COL25A1: variants seen among roughly 807,000 people sequenced by gnomAD.
COL25A1 encodes collagen alpha-1(XXV) chain.
Under a neutral mutation model 128.4 loss-of-function variants are expected in COL25A1, and 103 were observed. That is an observed-to-expected ratio of 0.80 (90% CI 0.68 to 0.94). COL25A1 has a LOEUF of 0.94. Among genes scored for constraint, COL25A1 ranks in the 40% least tolerant of loss-of-function variants. The pLI is 0.00. For missense variants in COL25A1, 745 were observed against 840.0 expected (o/e 0.89, Z 1.40); for synonymous variants, 279 against 277.2 (o/e 1.01, Z -0.06).
At chr4:108,819,920 T>C in intron 35 of COL25A1, 1 of 1,138,062 alleles carries the variant, frequency 8.8e-7, no homozygotes, top group South Asian at 4.4e-5. Flanking sequence ...AGGGTTTAAA[T>C]AAAAGACAAA....
At chr4:108,896,734 C>T in intron 15 of COL25A1, 23 bp from the exon 16 acceptor site, 1 of 1,607,930 alleles carries the variant, frequency 6.2e-7, no homozygotes, top group Non-Finnish European at 8.5e-7. Flanking sequence ...GAAAGTGACA[C>T]ATGTAAAATA....
chr4:109,021,484 T>C (rs1757758671), intron 5 of COL25A1, among the ~76,000 whole-genome samples: 1 of 152,222 alleles, frequency 6.6e-6, no homozygotes, highest in Non-Finnish European at 1.5e-5. Context: ...AGGATGTACG[T>C]CACCTCAGGA....
At chr4:109,164,481 T>C (rs961561658) in intron 3 of COL25A1, among the ~76,000 whole-genome samples, 4 of 152,170 alleles carry the variant, frequency 2.6e-5, no homozygotes, top group African/African-American at 7.2e-5. Flanking sequence ...TGTTGGTTGG[T>C]TGACTGGTTG....
intron 35 of COL25A1, among the ~76,000 whole-genome samples, chr4:108,822,043 A>ATTTTTTTTTTTTTT (rs10567518): frequency 0.032 from 2,864 of 89,220 alleles, 382 homozygotes; most frequent in East Asian, 0.067. Flanking sequence ...CCTAATGGTA[A>ATTTTTTTTTTTTTT]TTTTTTTTTT....
chr4:109,098,445 A>G (rs963389401), intron 3 of COL25A1, among the ~76,000 whole-genome samples: 20 of 152,218 alleles, frequency 1.3e-4, no homozygotes, highest in Admixed American at 1.2e-3. Context: ...ATGTAGATGT[A>G]AGACTTTGGA....
intron 3 of COL25A1, among the ~76,000 whole-genome samples, chr4:109,255,709 T>C (rs1184479772): frequency 1.3e-5 from 2 of 152,192 alleles, no homozygotes; most frequent in Non-Finnish European, 2.9e-5. Flanking sequence ...AAAATGAAAA[T>C]AGCAACAACA....
chr4:108,924,332 T>G (rs1745799736), intron 11 of COL25A1, among the ~76,000 whole-genome samples: 1 of 152,172 alleles, frequency 6.6e-6, no homozygotes, highest in Non-Finnish European at 1.5e-5. Flanking sequence ...GTGAACACAG[T>G]AAGAAATTAT....
intron 3 of COL25A1, among the ~76,000 whole-genome samples, chr4:109,190,086 A>T (rs1775470949): frequency 6.6e-6 from 1 of 152,192 alleles, no homozygotes. Flanking sequence ...GAAAAGTATG[A>T]TATGTCCTCT....
chr4:108,993,595 C>A (rs930516672), intron 6 of COL25A1, among the ~76,000 whole-genome samples: 1 of 152,182 alleles, frequency 6.6e-6, no homozygotes, highest in African/African-American at 2.4e-5. Flanking sequence ...TGCGGTGACT[C>A]ACGCCTGTAA....
At chr4:109,245,049 C>T (rs1780170738) in intron 3 of COL25A1, among the ~76,000 whole-genome samples, 1 of 152,038 alleles carries the variant, frequency 6.6e-6, no homozygotes, top group Non-Finnish European at 1.5e-5. Flanking sequence ...ACAGTTAAGA[C>T]AAAATTTAAG....
At chr4:109,058,462 T>C (rs1013787759) in intron 3 of COL25A1, among the ~76,000 whole-genome samples, 3 of 152,164 alleles carry the variant, frequency 2.0e-5, no homozygotes, top group African/African-American at 7.2e-5. Context: ...TTAAATTAGC[T>C]TTGCAGATTA....
intron 3 of COL25A1, among the ~76,000 whole-genome samples, chr4:109,172,075 A>T (rs1239787233): frequency 1.3e-5 from 2 of 152,144 alleles, no homozygotes; most frequent in African/African-American, 4.8e-5. Flanking sequence ...CACCTGAACC[A>T]TCAGCTCTGG....
At chr4:108,834,549 TAAAA>T (rs79785987) in intron 31 of COL25A1, among the ~76,000 whole-genome samples, 1 of 143,818 alleles carries the variant, frequency 7.0e-6, no homozygotes, top group Admixed American at 7.0e-5. Flanking sequence ...AATTGTTAGT[TAAAA>T]AAAAAAAACA....
chr4:108,845,371 C>A, intron 28 of COL25A1, 120 bp from the exon 29 acceptor site: 2 of 751,142 alleles, frequency 2.7e-6, no homozygotes, highest in Non-Finnish European at 2.3e-6. Flanking sequence ...GCACTTGCTA[C>A]ATAAAAGAAG....
chr4:108,869,459 C>A (rs898769862), intron 19 of COL25A1, among the ~76,000 whole-genome samples: 2 of 152,096 alleles, frequency 1.3e-5, no homozygotes, highest in South Asian at 4.1e-4. Context: ...GACAGAAGTA[C>A]AGGTAACCTG....
In COL25A1 at chr4:108,848,768, A is replaced by G; in HGVS notation, c.1425T>C (p.Asp475=). The change falls in exon 27 of 38, where the codon GAT becomes GAC. Residue 475 remains aspartate (D), a synonymous_variant. Transcript: ENST00000399132. ...CATCTTTGAAAATTACCTGCTCTCC[A>G]TCCATTCCTGGGATTCCTGGAGATC... is the stretch of plus-strand genomic sequence containing the variant. ...EQGSPGIPGM[D]GEQGLKGSKG... 1.2e-6 allele frequency: 2 copies of G among 1,600,764 alleles called. No individual in the cohort carries two copies. Among genetic ancestry groups the G allele is most frequent in the Non-Finnish European group, 8.6e-7 (1 of 1,168,088 alleles).
intron 3 of COL25A1, among the ~76,000 whole-genome samples, chr4:109,165,952 A>G (rs1018106808): frequency 1.2e-4 from 19 of 152,206 alleles, no homozygotes; most frequent in African/African-American, 4.6e-4. Flanking sequence ...CTGGAATTAC[A>G]ACATTTAAAA....
At chr4:109,088,817 A>G (rs1351839234) in intron 3 of COL25A1, among the ~76,000 whole-genome samples, 2 of 152,176 alleles carry the variant, frequency 1.3e-5, no homozygotes, top group Admixed American at 1.3e-4. Context: ...CAAGAGAATG[A>G]ATGATGGGGA....
At chr4:109,133,330 T>C (rs1021912228) in intron 3 of COL25A1, among the ~76,000 whole-genome samples, 47 of 152,216 alleles carry the variant, frequency 3.1e-4, no homozygotes, top group African/African-American at 1.1e-3. Flanking sequence ...CTAGACCTTA[T>C]TGTAATATTA....
Sources: allele counts gnomAD v4.1 joint callset (sites outside exome capture counted in the v4.1 genomes callset), GRCh38; gene constraint gnomAD v4.1.1; transcripts MANE v1.5; gene names NCBI Gene and HGNC (gene_info 2026-07-23, HGNC 2026-07-21).